KLF12: variants seen among roughly 807,000 people sequenced by gnomAD.
KLF12 encodes the protein Krueppel-like factor 12.
A neutral mutation model predicts 37.8 loss-of-function variants in KLF12; 9 were observed. That is an observed-to-expected ratio of 0.24 (90% CI 0.14 to 0.42). The LOEUF (loss-of-function observed/expected upper bound fraction) is 0.42. Ranked by LOEUF, KLF12 falls within the 10% of genes least tolerant of loss-of-function variation. KLF12 has a pLI of 1.00. For synonymous variants in KLF12, 208 were observed against 202.1 expected (o/e 1.03, Z -0.25); for missense variants, 411 against 516.0 (o/e 0.80, Z 1.97).
chr13:74,130,533 T>C (rs1414089611), intron 1 of KLF12, among the ~76,000 whole-genome samples: 2 of 151,942 alleles, frequency 1.3e-5, no homozygotes, highest in Non-Finnish European at 2.9e-5. Flanking sequence ...AGTGTGCACC[T>C]GTAGTCCTGC....
chr13:74,284,826 A>G, the KLF12 span, among the ~76,000 whole-genome samples: 1 of 152,212 alleles, frequency 6.6e-6, no homozygotes, highest in Non-Finnish European at 1.5e-5. Context: ...TGGGCATTGT[A>G]GTATATTTAC....
chr13:74,287,349 TGAGAGAGA>T, the KLF12 span, among the ~76,000 whole-genome samples: 894 of 71,868 alleles, frequency 0.012, 14 homozygotes, highest in Middle Eastern at 0.05. Flanking sequence ...CTATCAAAGT[TGAGAGAGA>T]GAGAGAGAGA....
chr13:74,133,514 C>G lies in KLF12; in HGVS notation c.-32+225G>C, dbSNP rs114589228. 3.5e-3 allele frequency among the ~76,000 whole-genome samples: 536 copies of G among 152,122 alleles called. 6 individuals are homozygous for G. The highest frequency in any genetic ancestry group is 0.012 in the African/African-American group (500 of 41,496). ...CTTCTTTCTTCTCCACGAATCCGAC[C>G]GACGCTACTTGCTTTGCAACAGCAT... On this transcript the variant is annotated intron_variant, in intron 1 of 7. Coordinates refer to ENST00000377669, the MANE Select transcript of KLF12 (RefSeq NM_007249.5).
chr13:73,856,652 T>TA (rs1202719915), intron 3 of KLF12, among the ~76,000 whole-genome samples: 6 of 151,912 alleles, frequency 3.9e-5, no homozygotes, highest in Non-Finnish European at 1.5e-5. Context: ...AAAAATAAGG[T>TA]AATGTTTGGA....
chr13:73,742,299 C>A (rs1400513763), intron 6 of KLF12, among the ~76,000 whole-genome samples: 1 of 152,116 alleles, frequency 6.6e-6, no homozygotes, highest in East Asian at 1.9e-4. Flanking sequence ...AAGAACTGAA[C>A]CAAGTCTCTG....
chr13:73,901,525 A>G (rs1888038821), intron 3 of KLF12, among the ~76,000 whole-genome samples: 3 of 152,116 alleles, frequency 2.0e-5, no homozygotes, highest in Admixed American at 6.5e-5. Flanking sequence ...AGCCCAAATT[A>G]TAGGATTGCT....
chr13:74,275,877 TCTTCTTTCTTTC>T, the KLF12 span, among the ~76,000 whole-genome samples: 15 of 74,560 alleles, frequency 2.0e-4, 1 homozygote, highest in African/African-American at 5.9e-4. Flanking sequence ...TATCTTTCTT[TCTTCTTTCTTTC>T]TTTCTTTCTT....
chr13:74,085,077 G>A (rs150600076), intron 1 of KLF12, among the ~76,000 whole-genome samples: 6 of 152,166 alleles, frequency 3.9e-5, no homozygotes, highest in South Asian at 4.2e-4. Context: ...AGATGACCAC[G>A]TGAAAGAAGA....
At chr13:73,902,008 G>A (rs1888063331) in intron 3 of KLF12, among the ~76,000 whole-genome samples, 1 of 152,156 alleles carries the variant, frequency 6.6e-6, no homozygotes, top group Non-Finnish European at 1.5e-5. Flanking sequence ...ATATTATACA[G>A]TTTGAGACTA....
chr13:74,082,078 A>G (rs915054057), intron 1 of KLF12, among the ~76,000 whole-genome samples: 1 of 151,042 alleles, frequency 6.6e-6, no homozygotes, highest in Non-Finnish European at 1.5e-5. Flanking sequence ...CTGTAATCCC[A>G]GCACTTTGGG....
intron 2 of KLF12, among the ~76,000 whole-genome samples, chr13:73,968,965 T>C (rs1027624332): frequency 2.6e-5 from 4 of 151,320 alleles, no homozygotes; most frequent in Admixed American, 2.0e-4. Flanking sequence ...GGATTTCCCA[T>C]AAAGTGTCTA....
the KLF12 span, among the ~76,000 whole-genome samples, chr13:74,193,706 C>A: frequency 6.6e-6 from 1 of 152,156 alleles, no homozygotes; most frequent in Non-Finnish European, 1.5e-5. Context: ...AAATAAAATT[C>A]AATCTAAAAA....
chr13:74,157,219 T>C, the KLF12 span, among the ~76,000 whole-genome samples: 2 of 152,218 alleles, frequency 1.3e-5, no homozygotes, highest in Non-Finnish European at 2.9e-5. Context: ...AGTTTACAAA[T>C]ATATAAATTG....
chr13:73,863,351 C>T (rs778394613), intron 3 of KLF12, among the ~76,000 whole-genome samples: 7 of 152,078 alleles, frequency 4.6e-5, no homozygotes, highest in Non-Finnish European at 8.8e-5. Context: ...TGGATTCCAA[C>T]AGACAGGTTT....
intron 5 of KLF12, among the ~76,000 whole-genome samples, chr13:73,775,688 A>G (rs1880566912): frequency 1.3e-5 from 2 of 152,182 alleles, no homozygotes; most frequent in Non-Finnish European, 2.9e-5. Context: ...ATTGGTAGTT[A>G]TGCTATTAGT....
intron 3 of KLF12, among the ~76,000 whole-genome samples, chr13:73,934,036 T>G (rs1184886326): frequency 6.6e-6 from 1 of 152,196 alleles, no homozygotes; most frequent in Non-Finnish European, 1.5e-5. Context: ...TTCATTCTAC[T>G]GTCGAAGATT....
intron 2 of KLF12, among the ~76,000 whole-genome samples, chr13:73,970,054 G>A (rs970464748): frequency 6.6e-6 from 1 of 152,126 alleles, no homozygotes; most frequent in African/African-American, 2.4e-5. Flanking sequence ...TACAAGCAGA[G>A]TTATAGGTCC....
intron 7 of KLF12, among the ~76,000 whole-genome samples, chr13:73,708,853 C>T (rs1875145797): frequency 6.6e-6 from 1 of 152,094 alleles, no homozygotes; most frequent in Non-Finnish European, 1.5e-5. Flanking sequence ...CATTTAAGTA[C>T]TAATATTTAT....
chr13:74,058,743 A>G (rs1348217731), intron 1 of KLF12, among the ~76,000 whole-genome samples: 2 of 152,180 alleles, frequency 1.3e-5, no homozygotes, highest in Admixed American at 1.3e-4. Context: ...AAAGTATAAG[A>G]TGATCATGAA....
Sources: allele counts gnomAD v4.1 joint callset (sites outside exome capture counted in the v4.1 genomes callset), GRCh38; gene constraint gnomAD v4.1.1; transcripts MANE v1.5; gene names NCBI Gene and HGNC (gene_info 2026-07-23, HGNC 2026-07-21).